Variants in SLC27A1 observed in about 807,000 individuals in gnomAD.
The protein encoded by SLC27A1 is solute carrier family 27 member 1.
SLC27A1 carries 61 observed loss-of-function variants against 62.2 expected under a neutral mutation model. The ratio of observed to expected loss-of-function variants is 0.98; its 90% confidence interval spans 0.80 to 1.21. The LOEUF (loss-of-function observed/expected upper bound fraction) is 1.21, where lower values mean the gene tolerates loss of function less well. Ranked by LOEUF, SLC27A1 falls within the 50% of genes most tolerant of loss-of-function variation. The pLI, the probability that SLC27A1 is intolerant of heterozygous loss-of-function variation, is 0.00. For missense variants in SLC27A1, 903 were observed against 932.1 expected, an observed-to-expected ratio of 0.97 and a Z score of 0.41; for synonymous variants, 435 against 408.6, an observed-to-expected ratio of 1.06 and a Z score of -0.78.
At chr19:17,487,648 G>A (rs1308707518) in intron 4 of SLC27A1, 119 bp downstream of exon 4, 4 of 994,260 alleles carry the variant, frequency 4.0e-6, no homozygotes, top group Non-Finnish European at 6.0e-6. Flanking sequence ...GACAGAGAGG[G>A]CAGCTGGTGT....
rs1377745928 is a variant in SLC27A1 at position 17,482,973 on chromosome 19, GGAGGGAATGAATGAAT to G, written c.168-3579_168-3564del. Among the ~76,000 whole-genome samples the G allele has an allele frequency of 2.6e-3, 393 of 152,156 alleles. 1 individual carries two copies. The highest frequency in any genetic ancestry group is 9.0e-3 in the African/African-American group (374 of 41,500). Reference sequence around the variant, plus strand: ...CGTGCTCACAATGCCAATGAATGATGGAGGGAATGAATGAATGAGGGAATGAGTGAAGGAGGGAATG... The same window carrying G: ...CGTGCTCACAATGCCAATGAATGATGGAGGGAATGAGTGAAGGAGGGAATG... On this transcript the variant is annotated intron_variant, in intron 1 of 11. Coordinates refer to ENST00000252595, the MANE Select transcript of SLC27A1 (RefSeq NM_198580.3).
intron 6 of SLC27A1, 43 bp downstream of exon 6, chr19:17,489,160 C>T: frequency 6.6e-7 from 1 of 1,526,034 alleles, no homozygotes; most frequent in Non-Finnish European, 9.0e-7. Flanking sequence ...CCCCTCCCAG[C>T]CAGGCCTCAC....
chr19:17,491,666 G>A (rs947422948), intron 6 of SLC27A1, among the ~76,000 whole-genome samples: 17 of 152,100 alleles, frequency 1.1e-4, no homozygotes, highest in South Asian at 6.2e-4. Context: ...GAGCCCAAGA[G>A]TTGTAGACCA....
chr19:17,487,093 C>A (rs1452794275), intron 2 of SLC27A1, 81 bp from the exon 3 acceptor site: 1 of 1,597,854 alleles, frequency 6.3e-7, no homozygotes, highest in Admixed American at 1.7e-5. Context: ...GGGTATGCCC[C>A]GGGCAGGGAG....
At chr19:17,482,146 A>G (rs1437897820) in intron 1 of SLC27A1, among the ~76,000 whole-genome samples, 1 of 152,194 alleles carries the variant, frequency 6.6e-6, no homozygotes, top group Non-Finnish European at 1.5e-5. Flanking sequence ...TAACAGATGC[A>G]TGCCCTGTCT....
At position 17,500,551 on chromosome 19, in the gene SLC27A1, G is replaced by C; in HGVS notation, c.1390G>C (p.Asp464His). 1 of 1,613,634 alleles carries C rather than the reference G, an allele frequency of 6.2e-7. No individual in the cohort carries two copies. Among genetic ancestry groups the C allele is most frequent in the South Asian group, 1.1e-5 (1 of 91,044 alleles). ...CCAACAGGACCCGCTGCGCCGCTTC[G>C]ATGGCTATGTCAGCGAGAGCGCCAC... ...INQQDPLRRF[D>H]GYVSESATSK... The change falls in exon 9 of 12, where the codon GAT becomes CAT. Residue 464 changes from aspartate (D) to histidine (H), a missense_variant. By Grantham distance (81) the Asp-to-His change is moderately conservative. Transcript: ENST00000252595.
At chr19:17,485,417 T>A (rs2075219739) in intron 1 of SLC27A1, among the ~76,000 whole-genome samples, 1 of 151,862 alleles carries the variant, frequency 6.6e-6, no homozygotes, top group Admixed American at 6.6e-5. Flanking sequence ...CTCAATCTGC[T>A]GACCTCATGA....
chr19:17,473,196 G>A (rs1256664026), intron 1 of SLC27A1, among the ~76,000 whole-genome samples: 1 of 152,140 alleles, frequency 6.6e-6, no homozygotes, highest in Non-Finnish European at 1.5e-5. Flanking sequence ...GCCTCCCAAA[G>A]TGCTGGGATT....
intron 1 of SLC27A1, among the ~76,000 whole-genome samples, chr19:17,477,678 G>A (rs113610752): frequency 0.17 from 26,402 of 151,330 alleles, 3,032 homozygotes; most frequent in Non-Finnish European, 0.26. Context: ...TCAGCCTCCC[G>A]AGTAGCTGGG....
At position 17,488,951 on chromosome 19, in the gene SLC27A1, T is replaced by C; in HGVS notation, c.886+12T>C. On this transcript the variant is annotated intron_variant, in intron 5 of 11. Transcript: ENST00000252595. ...GTACCACTCGGCAGGTACTACGGCC[T>C]GGGTAGGGAATGGTGGGTGGGGGCG... 1.9e-6 allele frequency: 3 copies of C among 1,614,056 alleles called. No homozygotes were observed. The South Asian group carries it at 3.3e-5, about 18-fold the overall frequency.
At position 17,488,840 on chromosome 19, in the gene SLC27A1, C is replaced by T; in HGVS notation, c.795-8C>T. 6.2e-7 allele frequency: 1 copy of T among 1,612,934 alleles called. No individual in the cohort carries two copies. Among genetic ancestry groups the T allele is most frequent in the South Asian group, 1.1e-5 (1 of 90,974 alleles). ...CCTCTGCCCTCCCGGCTCCCCCTCC[C>T]CCTGCAGGTACTACCGCATGGCAGC... On this transcript the variant is annotated splice_region_variant and splice_polypyrimidine_tract_variant and intron_variant, in intron 4 of 11. Transcript: ENST00000252595.
intron 1 of SLC27A1, among the ~76,000 whole-genome samples, chr19:17,473,407 T>C (rs2075094993): frequency 6.6e-6 from 1 of 152,198 alleles, no homozygotes; most frequent in Admixed American, 6.6e-5. Flanking sequence ...GATCTTATTT[T>C]GATTTCCAAT....
upstream of SLC27A1, among the ~76,000 whole-genome samples, chr19:17,469,392 G>A (rs1251258625): frequency 6.6e-6 from 1 of 152,062 alleles, no homozygotes; most frequent in African/African-American, 2.4e-5. Context: ...TACAGCCCGC[G>A]CGGGCCGTGG....
intron 1 of SLC27A1, among the ~76,000 whole-genome samples, chr19:17,480,533 A>ATTTTT (rs781084877): frequency 1.0e-4 from 7 of 67,606 alleles, no homozygotes; most frequent in African/African-American, 2.1e-4. Context: ...TGGCCAGTTA[A>ATTTTT]TTTTTTTCTT....
chr19:17,493,655 C>T (rs1362337087), intron 6 of SLC27A1, among the ~76,000 whole-genome samples: 8 of 150,650 alleles, frequency 5.3e-5, no homozygotes, highest in African/African-American at 2.4e-5. Context: ...GACACAGTCT[C>T]GCTGCATCTC....
Position 17,506,034 on chromosome 19 carries a change from C to T in SLC27A1, c.*1422C>T, listed in dbSNP as rs2075477079. On this transcript the variant is annotated 3_prime_UTR_variant, in exon 12 of 12. Coordinates refer to ENST00000252595, the MANE Select transcript of SLC27A1 (RefSeq NM_198580.3). Reference sequence around the variant, plus strand: ...CACCCAGGCCGCCTGTCCGTCTGTCCTCCCTCCAGCAGCACCCCCTGGCCC... The same window carrying T: ...CACCCAGGCCGCCTGTCCGTCTGTCTTCCCTCCAGCAGCACCCCCTGGCCC... The T allele has an allele frequency of 2.0e-5, 3 of 152,380 alleles. No homozygotes were observed. Among genetic ancestry groups the T allele is most frequent in the African/African-American group, 7.2e-5 (3 of 41,464 alleles). The allele number at this position is 152,380 out of a possible 1,614,324, so 9.4% of individuals were successfully genotyped here. A position where few individuals can be genotyped will look rare whatever the true frequency, so the allele number is the denominator to read the frequency against.
In SLC27A1 at chr19:17,486,873, G is replaced by A. The variant is rs773397554; in HGVS notation, c.478G>A (p.Val160Met). The A allele has an allele frequency of 1.9e-6, 3 of 1,586,392 alleles. No individual in the cohort carries two copies. The highest frequency in any genetic ancestry group is 1.3e-5 in the African/African-American group (1 of 74,798). ...GGGCATGGAGGCCGCGCTGCTCAAC[G>A]TGAACCTGCGGCGCGAGCCCCTGGC... Reference protein sequence around the residue: ...KAGMEAALLNVNLRREPLAFC... With the variant: ...KAGMEAALLNMNLRREPLAFC... The change falls in exon 2 of 12, where the codon GTG becomes ATG. Residue 160 changes from valine to methionine, a missense_variant. Val to Met is a conservative substitution (Grantham distance 21). Coordinates refer to ENST00000252595, the MANE Select transcript of SLC27A1 (RefSeq NM_198580.3). This position sits in a 1 kb window ranked among gnomAD's most constrained non-coding sequence, Gnocchi z 6.6.
At position 17,480,541 on chromosome 19, in the gene SLC27A1, C is replaced by CTTTTTT. The variant is rs3079223; in HGVS notation, c.168-6010_168-6005dup. Reference sequence around the variant, plus strand: ...GCCACAATGGCCAGTTAATTTTTTTCTTTTTTTTTTTTTTTTTGCAGAGAT... The same window carrying CTTTTTT: ...GCCACAATGGCCAGTTAATTTTTTTCTTTTTTTTTTTTTTTTTTTTTTTGCAGAGAT... On this transcript the variant is annotated intron_variant, in intron 1 of 11. Transcript: ENST00000252595. Among the ~76,000 whole-genome samples, 160 of 111,798 alleles carry CTTTTTT rather than the reference C, an allele frequency of 1.4e-3. 1 individual carries two copies. The highest frequency in any genetic ancestry group is 4.8e-3 in the South Asian group (17 of 3,514). 73.3% of individuals were successfully genotyped at this position (111,798 alleles called of 152,430 possible). A position where few individuals can be genotyped will look rare whatever the true frequency, so the allele number is the denominator to read the frequency against.
chr19:17,504,827 A>C lies in SLC27A1; in HGVS notation c.*215A>C, dbSNP rs1260999787. The C allele has an allele frequency of 4.3e-6, 3 of 702,890 alleles. No homozygotes were observed. Among genetic ancestry groups the C allele is most frequent in the Non-Finnish European group, 7.7e-6 (3 of 387,660 alleles). 43.5% of individuals were successfully genotyped at this position (702,890 alleles called of 1,614,324 possible). ...TGTCTGCCTCCTCTCCCTGCTTTTC[A>C]GCCTCTGTCTCCTTCCATCCCTGTC... On this transcript the variant is annotated 3_prime_UTR_variant, in exon 12 of 12. Coordinates refer to ENST00000252595, the MANE Select transcript of SLC27A1 (RefSeq NM_198580.3).
Sources: allele counts gnomAD v4.1 joint callset (sites outside exome capture counted in the v4.1 genomes callset), GRCh38; gene constraint gnomAD v4.1.1; non-coding constraint Gnocchi (gnomAD v3.1); transcripts MANE v1.5; gene names NCBI Gene and HGNC (gene_info 2026-07-23, HGNC 2026-07-21).